Variants in AK5 observed in about 807,000 individuals in gnomAD.
AK5 encodes the protein adenylate kinase 5, also known as adenylate kinase isoenzyme 5.
A neutral mutation model predicts 69.5 loss-of-function variants in AK5; 27 were observed. The observed-to-expected ratio is 0.39, with a 90% CI of 0.29 to 0.54. AK5 has a LOEUF of 0.54. Ranked by LOEUF, AK5 falls within the 20% of genes least tolerant of loss-of-function variation. The probability of loss-of-function intolerance (pLI) is 0.71; values close to 1 mark genes in which losing one functional copy is unlikely to be tolerated. For synonymous variants in AK5, 260 were observed against 244.4 expected, an observed-to-expected ratio of 1.06 and a Z score of -0.60; for missense variants, 531 against 700.4, an observed-to-expected ratio of 0.76 and a Z score of 2.73.
At chr1:77,426,026 A>G (rs980748022) in intron 8 of AK5, among the ~76,000 whole-genome samples, 9 of 152,206 alleles carry the variant, frequency 5.9e-5, no homozygotes, top group Non-Finnish European at 8.8e-5. Flanking sequence ...ATGCTCAAAT[A>G]AAACTACAAA....
intron 8 of AK5, among the ~76,000 whole-genome samples, chr1:77,444,235 GTATA>G (rs1435466742): frequency 2.6e-5 from 2 of 78,406 alleles, no homozygotes; most frequent in East Asian, 7.4e-4. Context: ...TATATATATA[GTATA>G]TATATACACA....
At chr1:77,546,557 A>G (rs536123945) in intron 13 of AK5, among the ~76,000 whole-genome samples, 2 of 152,128 alleles carry the variant, frequency 1.3e-5, no homozygotes, top group African/African-American at 2.4e-5. Context: ...TAACATTACA[A>G]AAATTAGATG....
intron 5 of AK5, among the ~76,000 whole-genome samples, chr1:77,306,153 T>C (rs1487417489): frequency 1.3e-5 from 2 of 152,172 alleles, no homozygotes; most frequent in African/African-American, 2.4e-5. Flanking sequence ...ATCCTTGTCA[T>C]GTTTCCAATC....
chr1:77,469,843 A>G (rs1270175746), intron 8 of AK5, among the ~76,000 whole-genome samples: 3 of 152,258 alleles, frequency 2.0e-5, no homozygotes, highest in Non-Finnish European at 4.4e-5. Context: ...ACAGCAAGTA[A>G]CAAGACTGGC....
intron 10 of AK5, among the ~76,000 whole-genome samples, chr1:77,494,900 G>GC (rs1656219041): frequency 6.6e-6 from 1 of 151,722 alleles, no homozygotes; most frequent in Admixed American, 6.6e-5. Context: ...TCCTGCCTCA[G>GC]CCTCCCGGGT....
intron 5 of AK5, among the ~76,000 whole-genome samples, chr1:77,322,777 C>G (rs17100317): frequency 0.059 from 8,985 of 152,054 alleles, 440 homozygotes; most frequent in East Asian, 0.2. Context: ...TAAAAAAGGT[C>G]GATCTAGTCT....
At chr1:77,544,997 T>C (rs1406529681) in intron 13 of AK5, among the ~76,000 whole-genome samples, 3 of 152,232 alleles carry the variant, frequency 2.0e-5, no homozygotes, top group Non-Finnish European at 4.4e-5. Flanking sequence ...GACATTGTGA[T>C]GGCTACCACA....
chr1:77,414,259 T>C (rs867987133), intron 7 of AK5, among the ~76,000 whole-genome samples: 1 of 152,240 alleles, frequency 6.6e-6, no homozygotes, highest in South Asian at 2.1e-4. Flanking sequence ...TTAATGAAAA[T>C]AAAACTGTAA....
chr1:77,537,988 TTTG>T (rs1659061847), intron 13 of AK5, among the ~76,000 whole-genome samples: 1 of 152,172 alleles, frequency 6.6e-6, no homozygotes, highest in Admixed American at 6.5e-5. Context: ...CTGAGACTTA[TTTG>T]TTGTGCTTTA....
intron 12 of AK5, among the ~76,000 whole-genome samples, chr1:77,532,997 G>A (rs1658734917): frequency 6.6e-6 from 1 of 152,180 alleles, no homozygotes; most frequent in South Asian, 2.1e-4. Flanking sequence ...AAATTAGATG[G>A]TATCTCATTG....
chr1:77,451,481 T>C (rs952569197), intron 8 of AK5, among the ~76,000 whole-genome samples: 3 of 152,244 alleles, frequency 2.0e-5, no homozygotes, highest in African/African-American at 7.2e-5. Flanking sequence ...CTTTTCACTG[T>C]TATAAATAAT....
chr1:77,402,112 G>A (rs1649253654), intron 6 of AK5, among the ~76,000 whole-genome samples: 1 of 152,096 alleles, frequency 6.6e-6, no homozygotes, highest in Non-Finnish European at 1.5e-5. Context: ...GACATCATCT[G>A]GTCTATTGTC....
At chr1:77,552,499 G>A (rs12074409) in intron 13 of AK5, among the ~76,000 whole-genome samples, 2 of 152,032 alleles carry the variant, frequency 1.3e-5, no homozygotes, top group Non-Finnish European at 2.9e-5. Flanking sequence ...ATTGCAACAA[G>A]TAAATGGCCA....
intron 8 of AK5, among the ~76,000 whole-genome samples, chr1:77,457,547 C>G (rs1394261552): frequency 6.6e-6 from 1 of 152,004 alleles, no homozygotes; most frequent in African/African-American, 2.4e-5. Context: ...TTCAAGAGCT[C>G]TTTCTTTCTT....
At chr1:77,421,470 C>T (rs1650808321) in intron 8 of AK5, among the ~76,000 whole-genome samples, 1 of 152,198 alleles carries the variant, frequency 6.6e-6, no homozygotes, top group Non-Finnish European at 1.5e-5. Context: ...GCTTTCCTTC[C>T]AGAGTTCCTT....
chr1:77,428,325 A>G (rs1357062056), intron 8 of AK5, among the ~76,000 whole-genome samples: 2 of 152,326 alleles, frequency 1.3e-5, no homozygotes, highest in Admixed American at 1.3e-4. Context: ...CATTGAAAAT[A>G]CCTGCTCAAC....
chr1:77,293,177 G>A (rs1658785151), intron 2 of AK5, among the ~76,000 whole-genome samples: 1 of 152,136 alleles, frequency 6.6e-6, no homozygotes, highest in African/African-American at 2.4e-5. Flanking sequence ...CCCTCCTACT[G>A]ACCGTGACAG....
At chr1:77,413,585 C>A (rs1238168254) in intron 7 of AK5, among the ~76,000 whole-genome samples, 1 of 152,154 alleles carries the variant, frequency 6.6e-6, no homozygotes, top group East Asian at 1.9e-4. Flanking sequence ...CTGCTCTGGG[C>A]CTCCATCTCC....
At chr1:77,336,641 G>A (rs1420012364) in intron 5 of AK5, among the ~76,000 whole-genome samples, 1 of 152,034 alleles carries the variant, frequency 6.6e-6, no homozygotes, top group African/African-American at 2.4e-5. Flanking sequence ...TTGTGTGTGT[G>A]TACTTACTAT....
Sources: gnomAD v4.1 joint callset for allele counts (sites outside exome capture counted in the v4.1 genomes callset) on GRCh38, gnomAD v4.1.1 for gene constraint, MANE v1.5 for transcripts, NCBI Gene and HGNC (gene_info 2026-07-23, HGNC 2026-07-21) for gene names.